Variants in GCSAML observed in about 807,000 individuals in gnomAD.
GCSAML encodes germinal center associated signaling and motility like.
Under a neutral mutation model 13.0 loss-of-function variants are expected in GCSAML, and 9 were observed. The ratio of observed to expected loss-of-function variants is 0.69; its 90% CI spans 0.42 to 1.21. The LOEUF (loss-of-function observed/expected upper bound fraction) is 1.21. GCSAML is among the 50% of genes most tolerant of loss of function. The pLI is 0.00. For missense variants in GCSAML, 143 were observed against 153.4 expected (o/e 0.93, Z 0.36); for synonymous variants, 37 against 52.9 (o/e 0.70, Z 1.31).
intron 1 of GCSAML, among the ~76,000 whole-genome samples, chr1:247,518,031 C>G (rs1379061641): frequency 1.3e-5 from 2 of 152,216 alleles, no homozygotes; most frequent in Non-Finnish European, 2.9e-5. Flanking sequence ...CTCCCACTTC[C>G]TCAGCGACCG....
At chr1:247,524,021 C>CACACAT (rs1553302218) in intron 1 of GCSAML, among the ~76,000 whole-genome samples, 1 of 151,834 alleles carries the variant, frequency 6.6e-6, no homozygotes. Context: ...CACACACACA[C>CACACAT]ACACACACTC....
intron 2 of GCSAML, among the ~76,000 whole-genome samples, chr1:247,560,257 C>T (rs1422487200): frequency 2.0e-5 from 3 of 152,210 alleles, no homozygotes. Flanking sequence ...CATAACTTCA[C>T]ATTTTACAAA....
chr1:247,538,419 AAC>A (rs1667295211), intron 2 of GCSAML, among the ~76,000 whole-genome samples: 2 of 152,212 alleles, frequency 1.3e-5, no homozygotes, highest in African/African-American at 4.8e-5. Flanking sequence ...TCACATATCT[AAC>A]TGCCTATACT....
chr1:247,544,146 G>C (rs1339690846), upstream of GCSAML, among the ~76,000 whole-genome samples: 1 of 152,214 alleles, frequency 6.6e-6, no homozygotes, highest in Non-Finnish European at 1.5e-5. Flanking sequence ...AGGTTGTAGA[G>C]AGAGAGCTCA....
intron 2 of GCSAML, chr1:247,529,749 GCGATTAACA>G (rs1666841433): frequency 2.9e-5 from 3 of 101,728 alleles, no homozygotes; most frequent in African/African-American, 4.0e-5. Flanking sequence ...TTTTTTTGAT[GCGATTAACA>G]TTTAAATCAG....
intron 4 of GCSAML, among the ~76,000 whole-genome samples, chr1:247,573,316 G>A (rs1031891420): frequency 6.6e-6 from 1 of 152,210 alleles, no homozygotes; most frequent in Admixed American, 6.5e-5. Flanking sequence ...GGCCCTTGTG[G>A]TGTAGGCACC....
intron 1 of GCSAML, among the ~76,000 whole-genome samples, chr1:247,550,422 G>A (rs1451370547): frequency 6.6e-6 from 1 of 152,154 alleles, no homozygotes; most frequent in Non-Finnish European, 1.5e-5. Context: ...TGGATCACGA[G>A]GTCAGGAGAT....
intron 2 of GCSAML, chr1:247,531,459 G>T: frequency 7.6e-7 from 1 of 1,323,686 alleles, no homozygotes; most frequent in Non-Finnish European, 1.0e-6. Context: ...AACAATATTA[G>T]AAGAAAAACG....
At chr1:247,531,254 T>G in intron 2 of GCSAML, 1 of 380,906 alleles carries the variant, frequency 2.6e-6, no homozygotes. Flanking sequence ...TCCACCCGCT[T>G]CGGATACTGA....
chr1:247,540,699 G>A (rs1027589628), intron 2 of GCSAML, among the ~76,000 whole-genome samples: 1 of 152,184 alleles, frequency 6.6e-6, no homozygotes, highest in Non-Finnish European at 1.5e-5. Flanking sequence ...AAGAGCAAGT[G>A]GGGGAGGGAG....
chr1:247,573,168 A>AG (rs34694556), intron 4 of GCSAML, among the ~76,000 whole-genome samples: 2,055 of 152,244 alleles, frequency 0.013, 23 homozygotes, highest in Non-Finnish European at 0.022. Context: ...CCCCTTTTCC[A>AG]GGGGAGTAAA....
chr1:247,535,076 C>G lies in GCSAML; in HGVS notation c.-148+8022C>G, dbSNP rs150368912. On this transcript the variant is annotated intron_variant, in intron 2 of 5. Transcript: ENST00000366489. ...CCTGTATTCCTAGCACTTTGGGAGG[C>G]TGAAGTGGGGGGAATCACTTGAGCT... Among the ~76,000 whole-genome samples, 478 of 152,196 alleles carry G rather than the reference C, an allele frequency of 3.1e-3. 2 individuals are homozygous for G. The highest frequency in any genetic ancestry group is 0.01 in the African/African-American group (434 of 41,516).
At chr1:247,511,741 G>A (rs1290150629) in intron 1 of GCSAML, among the ~76,000 whole-genome samples, 1 of 152,118 alleles carries the variant, frequency 6.6e-6, no homozygotes, top group East Asian at 1.9e-4. Flanking sequence ...GTCTGCAAAG[G>A]ATTTTATTTC....
At chr1:247,539,835 G>A (rs1667348229) in intron 2 of GCSAML, among the ~76,000 whole-genome samples, 2 of 152,082 alleles carry the variant, frequency 1.3e-5, no homozygotes, top group South Asian at 4.1e-4. Context: ...ACTTGAAAAC[G>A]CTTCACTGAC....
chr1:247,516,183 CT>C (rs1158637986), intron 1 of GCSAML, among the ~76,000 whole-genome samples: 1 of 152,216 alleles, frequency 6.6e-6, no homozygotes, highest in Non-Finnish European at 1.5e-5. Flanking sequence ...GGACCACTTC[CT>C]TCTTGTGTGT....
At chr1:247,563,781 C>T in intron 3 of GCSAML, 142 bp downstream of exon 3, 1 of 459,488 alleles carries the variant, frequency 2.2e-6, no homozygotes, top group Non-Finnish European at 3.9e-6. Flanking sequence ...AAACTGATCA[C>T]ATCATTCTTG....
Position 247,526,311 on chromosome 1 carries a change from A to G in GCSAML, c.-262-629A>G, listed in dbSNP as rs1666681358. ...ATATTTTTTACTCTATCTGGCTCAT[A>G]ATACCTGACCTAAAGTTCTGACAGA... is the stretch of plus-strand genomic sequence containing the variant. On this transcript the variant is annotated intron_variant, in intron 1 of 5. Coordinates refer to the GCSAML transcript ENST00000366489. This position sits in a 1 kb window ranked among gnomAD's most constrained non-coding sequence, Gnocchi z 4.8. The G allele has an allele frequency of 6.6e-6, 1 of 152,206 alleles. No homozygotes were observed. Among genetic ancestry groups the G allele is most frequent in the African/African-American group, 2.4e-5 (1 of 41,438 alleles). The allele number at this position is 152,206 out of a possible 1,614,324, so 9.4% of individuals were successfully genotyped here.
At position 247,575,150 on chromosome 1, in the gene GCSAML, AT is replaced by A. The variant is rs1272330401; in HGVS notation, c.*771del. ...TAAGCTGAACCGATGTGCACTTTCC[AT>A]TTAATGATTTATGTCTTTGCTTGTA... On this transcript the variant is annotated 3_prime_UTR_variant, in exon 5 of 5. Transcript: ENST00000366488. 3 of 152,068 alleles carry A rather than the reference AT, an allele frequency of 2.0e-5. No individual in the cohort carries two copies. The highest frequency in any genetic ancestry group is 2.9e-5 in the Non-Finnish European group (2 of 68,016). 9.4% of individuals were successfully genotyped at this position (152,068 alleles called of 1,614,324 possible).
rs1338092571 is a variant in GCSAML, at chr1:247,577,096, A to C, written c.*2714A>C. ...AAAGCAGGATTTAAGAAATGTAACT[A>C]TCTTATGTGGTTATGAAGAACAATA... On this transcript the variant is annotated 3_prime_UTR_variant, in exon 5 of 5. Coordinates refer to ENST00000366488, the MANE Select transcript of GCSAML (RefSeq NM_145278.5). 6.6e-6 allele frequency: 1 copy of C among 152,220 alleles called. No individual in the cohort carries two copies. Among genetic ancestry groups the C allele is most frequent in the Non-Finnish European group, 1.5e-5 (1 of 68,036 alleles). The allele number at this position is 152,220 out of a possible 1,614,324, so 9.4% of individuals were successfully genotyped here. A position where few individuals can be genotyped will look rare whatever the true frequency, so the allele number is the denominator to read the frequency against.
Sources: allele counts gnomAD v4.1 joint callset (sites outside exome capture counted in the v4.1 genomes callset), GRCh38; gene constraint gnomAD v4.1.1; non-coding constraint Gnocchi (gnomAD v3.1); transcripts MANE v1.5; gene names NCBI Gene and HGNC (gene_info 2026-07-23, HGNC 2026-07-21).